The following TSKS variants were observed in gnomAD, a reference collection of about 807,000 sequenced individuals.
TSKS encodes the protein testis specific serine kinase substrate, also known as testis-specific serine kinase substrate.
A neutral mutation model predicts 68.0 loss-of-function variants in TSKS; 27 were observed. The ratio of observed to expected loss-of-function variants is 0.40; its 90% CI spans 0.29 to 0.55. TSKS has a LOEUF of 0.55. TSKS is among the 20% of genes least tolerant of loss of function. The pLI is 0.53. For synonymous variants in TSKS, 331 were observed against 340.4 expected (o/e 0.97, Z 0.30); for missense variants, 806 against 776.0 (o/e 1.04, Z -0.46).
Position 49,745,253 on chromosome 19 carries a change from G to C in TSKS, c.1136C>G (p.Thr379Arg), listed in dbSNP as rs775445866. Residue 379 changes from threonine to arginine, a missense_variant, in exon 7 of 11, where the codon ACG (threonine) becomes AGG (arginine). Physicochemically the swap from Thr to Arg is moderately conservative, Grantham distance 71. Coordinates refer to ENST00000246801, the MANE Select transcript of TSKS (RefSeq NM_021733.2). The part of the protein sequence containing the change: ...WERAQREQAQ[T>R]ARDLQELRGR... ...TCGCAGCTCCTGCAAGTCCCGCGCCGTCTGTGCCTGTTCGCGCTGTGCCCG... is the reference window on the plus strand; with the variant it reads ...TCGCAGCTCCTGCAAGTCCCGCGCCCTCTGTGCCTGTTCGCGCTGTGCCCG... 3.1e-6 allele frequency: 5 copies of C among 1,608,328 alleles called. No individual in the cohort carries two copies. Among genetic ancestry groups the C allele is most frequent in the Non-Finnish European group, 4.2e-6 (5 of 1,179,338 alleles).
chr19:49,740,114 G>A lies in TSKS; in HGVS notation c.1567C>T (p.Gln523Ter), dbSNP rs772845135. 6.2e-7 allele frequency: 1 copy of A among 1,614,116 alleles called. No individual in the cohort carries two copies. The highest frequency in any genetic ancestry group is 8.5e-7 in the Non-Finnish European group (1 of 1,180,018). ...TTCTTGGCCCGCAGGGCCTCGTCTT[G>A]GGCCAGCCGAAGGGTGGAGCTCAGG... ...EALSSTLRLAQDEALRAKNLL... is the reference protein window; with the variant it reads ...EALSSTLRLA The change falls in exon 10 of 11, where the codon CAA becomes TAA. Residue 523 changes from glutamine to a stop codon, truncating the protein, a stop_gained. Transcript: ENST00000246801. LOFTEE classifies it high-confidence loss of function.
intron 5 of TSKS, 106 bp from the exon 6 acceptor site, chr19:49,746,904 G>A: frequency 6.6e-7 from 1 of 1,514,236 alleles, no homozygotes; most frequent in Non-Finnish European, 8.8e-7. Flanking sequence ...GAAGTAGAAC[G>A]CCTGTGGGGA....
Position 49,756,042 on chromosome 19 carries a change from C to T in TSKS, c.399+5962G>A, listed in dbSNP as rs570485190. Among the ~76,000 whole-genome samples the T allele has an allele frequency of 7.2e-4, 109 of 152,156 alleles. 2 individuals carry two copies. Among genetic ancestry groups the T allele is most frequent in the Middle Eastern group, 3.4e-3 (1 of 294 alleles). On this transcript the variant is annotated intron_variant, in intron 2 of 10. Transcript: ENST00000246801. The stretch of plus-strand genomic sequence containing the variant: ...AAGAAAGAAAACCACAGACCAATAT[C>T]CTTTATGAATATGGTCACAAAAATC...
At chr19:49,747,098 C>A in intron 5 of TSKS, 1 of 1,492,202 alleles carries the variant, frequency 6.7e-7, no homozygotes, top group South Asian at 1.2e-5. Context: ...GCTTTCTCAG[C>A]ATTTTGTTGG....
At chr19:49,749,829 C>G (rs1023505996) in intron 2 of TSKS, among the ~76,000 whole-genome samples, 3 of 152,074 alleles carry the variant, frequency 2.0e-5, no homozygotes, top group Non-Finnish European at 4.4e-5. Flanking sequence ...CCAAGCTGGC[C>G]TCAAACTCCT....
In TSKS at chr19:49,748,294, C is replaced by T. The variant is rs930659731; in HGVS notation, c.495+80G>A. 1.0e-5 allele frequency: 16 copies of T among 1,561,260 alleles called. No individual in the cohort carries two copies. In the Admixed American group the frequency reaches 2.7e-4, roughly 27 times the overall value. ...AAGCTCCCCAACTGAGCTATGGGTG[C>T]ATTCTGCTGGAGGCAGGCTCCAAGA... On this transcript the variant is annotated intron_variant, in intron 3 of 10. Coordinates refer to ENST00000246801, the MANE Select transcript of TSKS (RefSeq NM_021733.2).
intron 2 of TSKS, among the ~76,000 whole-genome samples, chr19:49,750,766 A>G (rs2084343583): frequency 6.6e-6 from 1 of 152,166 alleles, no homozygotes; most frequent in African/African-American, 2.4e-5. Context: ...GAGCAACCAG[A>G]ACGTAGACAC....
At chr19:49,758,279 G>C (rs1407799846) in intron 2 of TSKS, among the ~76,000 whole-genome samples, 1 of 152,058 alleles carries the variant, frequency 6.6e-6, no homozygotes, top group African/African-American at 2.4e-5. Context: ...TCAGGTGCTG[G>C]GTGCTGGTTC....
In TSKS at chr19:49,745,229, C is replaced by T. The variant is rs1461850044; in HGVS notation, c.1160G>A (p.Arg387Gln). ...GGTGCACAGCTCATCCGCCCGACCT[C>T]GCAGCTCCTGCAAGTCCCGCGCCGT... ...AQTARDLQEL[R>Q]GRADELCTMV... Residue 387 changes from arginine (R) to glutamine (Q), a missense_variant, in exon 7 of 11, where the codon CGA (arginine) becomes CAA (glutamine). Physicochemically the swap from Arg to Gln is conservative, Grantham distance 43 (BLOSUM62 1). Coordinates refer to ENST00000246801, the MANE Select transcript of TSKS (RefSeq NM_021733.2). 3.1e-6 allele frequency: 5 copies of T among 1,605,868 alleles called. No individual in the cohort carries two copies. Among genetic ancestry groups the T allele is most frequent in the Non-Finnish European group, 4.2e-6 (5 of 1,176,958 alleles).
At chr19:49,751,324 A>C (rs1458682303) in intron 2 of TSKS, among the ~76,000 whole-genome samples, 2 of 143,854 alleles carry the variant, frequency 1.4e-5, no homozygotes, top group African/African-American at 5.3e-5. Flanking sequence ...AAAAAAAAAA[A>C]GGAATTCAAA....
intron 2 of TSKS, among the ~76,000 whole-genome samples, chr19:49,749,917 TTCTC>T (rs1217774699): frequency 1.3e-5 from 2 of 152,098 alleles, no homozygotes; most frequent in South Asian, 2.1e-4. Flanking sequence ...GCCTCCTTTT[TTCTC>T]TCTCTTTTAT....
chr19:49,755,853 T>C (rs1181326090), intron 2 of TSKS, among the ~76,000 whole-genome samples: 1 of 151,746 alleles, frequency 6.6e-6, no homozygotes, highest in Non-Finnish European at 1.5e-5. Flanking sequence ...ATGCAAAAAT[T>C]AGCCTGGCGC....
At position 49,741,962 on chromosome 19, in the gene TSKS, A is replaced by G; in HGVS notation, c.1420T>C (p.Ser474Pro). 6.2e-7 allele frequency: 1 copy of G among 1,614,126 alleles called. No homozygotes were observed. Among genetic ancestry groups the G allele is most frequent in the Non-Finnish European group, 8.5e-7 (1 of 1,180,024 alleles). Residue 474 changes from serine to proline, a missense_variant, in exon 9 of 11, where the codon TCA becomes CCA. Coordinates refer to ENST00000246801, the MANE Select transcript of TSKS (RefSeq NM_021733.2). ...CTCTGCTTCACCTCGTCCACTAGTGAGGTCAGTGCTCGGTCCAGCAGCTGC... is the reference window on the plus strand; with the variant it reads ...CTCTGCTTCACCTCGTCCACTAGTGGGGTCAGTGCTCGGTCCAGCAGCTGC... ...LQQLLDRALT[S>P]LVDEVKQRGL...
At chr19:49,757,729 A>C (rs1600200092) in intron 2 of TSKS, among the ~76,000 whole-genome samples, 1 of 149,292 alleles carries the variant, frequency 6.7e-6, no homozygotes, top group Non-Finnish European at 1.5e-5. Context: ...CTCTGTCCCC[A>C]CCCAGCCCCT....
Position 49,746,502 on chromosome 19 carries a change from C to G in TSKS, c.960G>C (p.Leu320Phe). 6.2e-7 allele frequency: 1 copy of G among 1,613,994 alleles called. No homozygotes were observed. Among genetic ancestry groups the G allele is most frequent in the Non-Finnish European group, 8.5e-7 (1 of 1,179,962 alleles). ...CTTCGATGCCGGTGAACAGCTTCTG[C>G]AATTCCTGCTCGCTCACGTAGGGGC... ...GEGPYVSEQE[L>F]QKLFTGIEEL... The change falls in exon 6 of 11, where the codon TTG (leucine) becomes TTC (phenylalanine). Residue 320 changes from leucine to phenylalanine, a missense_variant. Physicochemically the swap from Leu to Phe is conservative, Grantham distance 22 (BLOSUM62 0). Transcript: ENST00000246801.
intron 2 of TSKS, among the ~76,000 whole-genome samples, chr19:49,758,177 T>C (rs2084409151): frequency 6.7e-6 from 1 of 149,500 alleles, no homozygotes; most frequent in African/African-American, 2.5e-5. Flanking sequence ...GGGTCTCTGT[T>C]CCCCTCTCTC....
chr19:49,740,905 G>A (rs573294451), intron 9 of TSKS, among the ~76,000 whole-genome samples: 4 of 149,122 alleles, frequency 2.7e-5, no homozygotes, highest in East Asian at 2.0e-4. Flanking sequence ...AAGGCCGGGC[G>A]CAGTGGCTCA....
In TSKS at chr19:49,762,104, G is replaced by C; in HGVS notation, c.299C>G (p.Ser100Cys). ...MEPTDSTGTD[S>C]TVEDLSGQLT... The stretch of plus-strand genomic sequence containing the variant: ...TTGGCCGCTGAGGTCTTCCACTGTG[G>C]AGTCTGTCCCCGTGGAGTCAGTGGG... The change falls in exon 2 of 11, where the codon TCC becomes TGC. Residue 100 changes from serine (S) to cysteine (C), a missense_variant. Coordinates refer to ENST00000246801, the MANE Select transcript of TSKS (RefSeq NM_021733.2). 1 of 1,614,150 alleles carries C rather than the reference G, an allele frequency of 6.2e-7. No individual in the cohort carries two copies. Among genetic ancestry groups the C allele is most frequent in the Non-Finnish European group, 8.5e-7 (1 of 1,180,020 alleles).
chr19:49,750,723 G>A (rs946571704), intron 2 of TSKS, among the ~76,000 whole-genome samples: 1 of 152,150 alleles, frequency 6.6e-6, no homozygotes, highest in African/African-American at 2.4e-5. Flanking sequence ...ATGGCTGGAA[G>A]GCAGTGGCGA....
Sources: gnomAD v4.1 joint callset for allele counts (sites outside exome capture counted in the v4.1 genomes callset) on GRCh38, gnomAD v4.1.1 for gene constraint, MANE v1.5 for transcripts, NCBI Gene and HGNC (gene_info 2026-07-23, HGNC 2026-07-21) for gene names.